Variants in WIPF2 observed in about 807,000 individuals in gnomAD.
WIPF2 encodes the protein WAS/WASL-interacting protein family member 2.
Under a neutral mutation model 38.8 loss-of-function variants are expected in WIPF2, and 23 were observed. The ratio of observed to expected loss-of-function variants is 0.59; its 90% CI spans 0.43 to 0.84. WIPF2 has a LOEUF of 0.84. Among genes scored for constraint, WIPF2 ranks in the 40% least tolerant of loss-of-function variants. The pLI is 0.00. For missense variants in WIPF2, 574 were observed against 580.5 expected, an observed-to-expected ratio of 0.99 and a Z score of 0.11; for synonymous variants, 210 against 223.2, an observed-to-expected ratio of 0.94 and a Z score of 0.53.
chr17:40,256,538 A>T lies in WIPF2; in HGVS notation c.63+16A>T, dbSNP rs200818980. ...ATTTCATCAGGTAGGTAGTCCTTCCATTAGGCTATCTCAAAACCTTTGAGT... is the reference window on the plus strand; with the variant it reads ...ATTTCATCAGGTAGGTAGTCCTTCCTTTAGGCTATCTCAAAACCTTTGAGT... On this transcript the variant is annotated intron_variant, in intron 2 of 7. Transcript: ENST00000323571. 6.3e-7 allele frequency: 1 copy of T among 1,591,172 alleles called. No homozygotes were observed. The highest frequency in any genetic ancestry group is 2.3e-5 in the East Asian group (1 of 42,704).
intron 1 of WIPF2, among the ~76,000 whole-genome samples, chr17:40,222,201 G>C (rs2030262892): frequency 6.8e-6 from 1 of 147,040 alleles, no homozygotes; most frequent in Non-Finnish European, 1.5e-5. Context: ...TTACAGGCGC[G>C]TGCTGCCACG....
chr17:40,278,146 G>A (rs1215425465), intron 7 of WIPF2, 39 bp from the exon 8 acceptor site: 2 of 1,599,504 alleles, frequency 1.3e-6, no homozygotes, highest in African/African-American at 1.3e-5. Flanking sequence ...TCTGGTGGGT[G>A]ACCTGTATGT....
intron 1 of WIPF2, among the ~76,000 whole-genome samples, chr17:40,238,777 T>A (rs1250506595): frequency 1.3e-5 from 2 of 151,614 alleles, no homozygotes; most frequent in Non-Finnish European, 2.9e-5. Flanking sequence ...TCAGTGTGGC[T>A]AATTTTTGTA....
chr17:40,248,785 T>C (rs12936565), intron 1 of WIPF2, among the ~76,000 whole-genome samples: 14,008 of 152,172 alleles, frequency 0.092, 2,193 homozygotes, highest in African/African-American at 0.32. Context: ...GCTGTTGTGG[T>C]TTTTTCAGAG....
In WIPF2 at chr17:40,277,723, C is replaced by T. The variant is rs113484572; in HGVS notation, c.1283-462C>T. Among the ~76,000 whole-genome samples the T allele has an allele frequency of 1.4e-4, 14 of 97,638 alleles. 1 individual carries two copies. The highest frequency in any genetic ancestry group is 6.7e-4 in the African/African-American group (12 of 17,926). 64.1% of individuals were successfully genotyped at this position (97,638 alleles called of 152,430 possible). On this transcript the variant is annotated intron_variant, in intron 7 of 7. Coordinates refer to ENST00000323571, the MANE Select transcript of WIPF2 (RefSeq NM_133264.5). Reference sequence around the variant, plus strand: ...ATTGCTTCTCATCATCTTCGTTGTCCTTTTTTTTTTTTTTTTTTTGAGATA... The same window carrying T: ...ATTGCTTCTCATCATCTTCGTTGTCTTTTTTTTTTTTTTTTTTTTGAGATA...
At chr17:40,224,370 A>G (rs1275522225) in intron 1 of WIPF2, among the ~76,000 whole-genome samples, 2 of 145,360 alleles carry the variant, frequency 1.4e-5, no homozygotes, top group African/African-American at 2.6e-5. Flanking sequence ...GAGCTGGACT[A>G]CAGGCGCCTG....
At chr17:40,271,782 C>T (rs929046721) in intron 5 of WIPF2, among the ~76,000 whole-genome samples, 3 of 151,942 alleles carry the variant, frequency 2.0e-5, no homozygotes, top group African/African-American at 4.8e-5. Context: ...TTTAATACAC[C>T]GAAAATGCCT....
At chr17:40,272,489 T>C (rs2032278508) in intron 5 of WIPF2, among the ~76,000 whole-genome samples, 2 of 152,290 alleles carry the variant, frequency 1.3e-5, no homozygotes. Context: ...ATATGTAACT[T>C]CCCACAATGA....
rs1191337856 is a variant in WIPF2 at position 40,280,114 on chromosome 17, G to C, written c.*1889G>C. On this transcript the variant is annotated 3_prime_UTR_variant, in exon 8 of 8. Coordinates refer to ENST00000323571, the MANE Select transcript of WIPF2 (RefSeq NM_133264.5). ...CAAACTTTTCCTAATCATTTTTTAT[G>C]TATCATTCTTCTTTCTAATCTGTTA... The C allele has an allele frequency of 6.6e-6, 1 of 152,144 alleles. No homozygotes were observed. Among genetic ancestry groups the C allele is most frequent in the Non-Finnish European group, 1.5e-5 (1 of 68,050 alleles). 9.4% of individuals were successfully genotyped at this position (152,144 alleles called of 1,614,324 possible).
At chr17:40,260,477 G>T (rs954341969) in intron 2 of WIPF2, 58 bp from the exon 3 acceptor site, 5 of 1,590,582 alleles carry the variant, frequency 3.1e-6, no homozygotes, top group Non-Finnish European at 4.3e-6. Flanking sequence ...GTGAGCCACC[G>T]CACCCGGCCG....
rs201805125 is a variant in WIPF2, at chr17:40,260,595, C to A, written c.124C>A (p.Gln42Lys). ...DEQRGRGALL[Q>K]DICKGTKLKK... Reference sequence around the variant, plus strand: ...GCAGCGGGGTCGAGGCGCCCTCTTACAGGACATTTGCAAAGGGACCAAGCT... The same window carrying A: ...GCAGCGGGGTCGAGGCGCCCTCTTAAAGGACATTTGCAAAGGGACCAAGCT... The change falls in exon 3 of 8, where the codon CAG becomes AAG. Residue 42 changes from glutamine (Q) to lysine (K), a missense_variant. Transcript: ENST00000323571. 7.4e-6 allele frequency: 12 copies of A among 1,613,848 alleles called. No individual in the cohort carries two copies. In the Admixed American group the frequency reaches 2.0e-4, roughly 27 times the overall value.
intron 2 of WIPF2, among the ~76,000 whole-genome samples, chr17:40,257,272 C>G (rs765305080): frequency 6.6e-6 from 1 of 152,008 alleles, no homozygotes; most frequent in Non-Finnish European, 1.5e-5. Context: ...CCACCGCGCC[C>G]GGCTTGAGGA....
chr17:40,269,689 C>G (rs2032191810), intron 5 of WIPF2, among the ~76,000 whole-genome samples: 1 of 145,100 alleles, frequency 6.9e-6, no homozygotes. Context: ...ACTGCAAGCT[C>G]CACCTCCCAG....
chr17:40,234,538 C>T (rs1339118550), intron 1 of WIPF2, among the ~76,000 whole-genome samples: 1 of 152,104 alleles, frequency 6.6e-6, no homozygotes, highest in Admixed American at 6.6e-5. Flanking sequence ...GGGAGGATCA[C>T]TTGAGCTGGT....
At chr17:40,241,775 T>C (rs918044560) in intron 1 of WIPF2, among the ~76,000 whole-genome samples, 2 of 152,220 alleles carry the variant, frequency 1.3e-5, no homozygotes, top group African/African-American at 4.8e-5. Flanking sequence ...TGTTTTTAAC[T>C]TTACAATCAA....
At chr17:40,228,016 T>TA (rs1325106942) in intron 1 of WIPF2, among the ~76,000 whole-genome samples, 3 of 118,364 alleles carry the variant, frequency 2.5e-5, no homozygotes, top group African/African-American at 1.0e-4. Flanking sequence ...TTTTGTTTTT[T>TA]TTTTTTTTTT....
intron 6 of WIPF2, among the ~76,000 whole-genome samples, chr17:40,275,240 C>CA (rs58914738): frequency 0.046 from 2,739 of 59,316 alleles, 92 homozygotes; most frequent in Non-Finnish European, 0.052. Flanking sequence ...GACTCCGTCT[C>CA]AAAAAAAAAA....
chr17:40,276,293 C>T (rs1323112424), intron 6 of WIPF2, among the ~76,000 whole-genome samples: 10 of 152,122 alleles, frequency 6.6e-5, no homozygotes, highest in Admixed American at 2.0e-4. Flanking sequence ...TTTGGGAGGC[C>T]GAGGCAGGTG....
At chr17:40,267,394 T>G (rs1431342023) in intron 5 of WIPF2, among the ~76,000 whole-genome samples, 2 of 151,988 alleles carry the variant, frequency 1.3e-5, no homozygotes, top group South Asian at 2.1e-4. Context: ...TCGTTATAAT[T>G]AGCATAACTG....
Sources: allele counts gnomAD v4.1 joint callset (sites outside exome capture counted in the v4.1 genomes callset), GRCh38; gene constraint gnomAD v4.1.1; transcripts MANE v1.5; gene names NCBI Gene and HGNC (gene_info 2026-07-23, HGNC 2026-07-21).